FRY: variants seen among roughly 807,000 people sequenced by gnomAD.
The protein encoded by FRY is protein furry homolog.
Under a neutral mutation model 348.4 loss-of-function variants are expected in FRY, and 128 were observed. The observed-to-expected ratio is 0.37, with a 90% CI of 0.32 to 0.43. The LOEUF is 0.43. FRY is among the 20% of genes least tolerant of loss of function. The pLI, the probability that FRY is intolerant of heterozygous loss-of-function variation, is 1.00. For missense variants in FRY, 2,736 were observed against 3,695.2 expected (o/e 0.74, Z 6.73); for synonymous variants, 1,370 against 1,374.7 (o/e 1.00, Z 0.08).
intron 2 of FRY, among the ~76,000 whole-genome samples, chr13:32,098,358 T>C (rs931328116): frequency 1.3e-4 from 20 of 152,012 alleles, no homozygotes; most frequent in Non-Finnish European, 2.5e-4. Flanking sequence ...AGGCGAGCCA[T>C]GCTCTGTCCT....
intron 1 of FRY, among the ~76,000 whole-genome samples, chr13:32,056,164 C>CTGG (rs1161486925): frequency 6.9e-6 from 1 of 144,650 alleles, no homozygotes; most frequent in Non-Finnish European, 1.5e-5. Flanking sequence ...GCACTCCAGC[C>CTGG]TGGTGACAGA....
At chr13:32,294,648 C>A in intron 60 of FRY, 78 bp downstream of exon 60, 2 of 1,090,714 alleles carry the variant, frequency 1.8e-6, no homozygotes, top group South Asian at 1.3e-5. Flanking sequence ...TGGAGTCTAG[C>A]CCACTACGGA....
At chr13:32,133,360 A>G (rs1483709221) in intron 8 of FRY, among the ~76,000 whole-genome samples, 1 of 152,172 alleles carries the variant, frequency 6.6e-6, no homozygotes, top group East Asian at 1.9e-4. Flanking sequence ...TAATGACACT[A>G]ACCTTAGAGA....
chr13:32,152,949 T>A (rs191912315), intron 14 of FRY, among the ~76,000 whole-genome samples: 1 of 152,052 alleles, frequency 6.6e-6, no homozygotes, highest in Admixed American at 6.6e-5. Context: ...GGCAGAAGGA[T>A]CAGCATCTTC....
intron 1 of FRY, among the ~76,000 whole-genome samples, chr13:32,054,208 C>CTT (rs145256787): frequency 7.4e-5 from 11 of 148,892 alleles, no homozygotes; most frequent in Middle Eastern, 3.5e-3. Flanking sequence ...TGAACACACC[C>CTT]TTTTTTTTTT....
chr13:32,233,741 T>C (rs943601255), intron 41 of FRY, among the ~76,000 whole-genome samples: 1 of 152,176 alleles, frequency 6.6e-6, no homozygotes, highest in African/African-American at 2.4e-5. Context: ...TATGTGAAAA[T>C]AGCAGAGTAA....
rs201358283 is a variant in FRY, at chr13:32,267,269, G to A, written c.8046G>A (p.Glu2682=). The change falls in exon 55 of 61, where the codon GAG becomes GAA. Residue 2682 remains glutamate (E), a synonymous_variant. Transcript: ENST00000542859. ...FQPAACDDAE[E]AWRSHINQLM... is the part of the protein sequence containing the mutation. ...CCGCAGCCTGTGACGATGCCGAGGAGGCCTGGCGCAGCCACATCAACCAGC... is the reference window on the plus strand; with the variant it reads ...CCGCAGCCTGTGACGATGCCGAGGAAGCCTGGCGCAGCCACATCAACCAGC... The A allele has an allele frequency of 1.4e-4, 221 of 1,614,166 alleles. 1 individual carries two copies. The African/African-American group carries it at 2.7e-3, about 20-fold the overall frequency.
At position 32,117,390 on chromosome 13, in the gene FRY, ATTAT is replaced by A; in HGVS notation, c.384_387del (p.Phe129ThrfsTer34). The A allele has an allele frequency of 6.2e-7, 1 of 1,613,808 alleles. No homozygotes were observed. Among genetic ancestry groups the A allele is most frequent in the Non-Finnish European group, 8.5e-7 (1 of 1,179,672 alleles). ...ACTGCCTGCCTTCCATTCTACGTAC[ATTAT>A]TTGACTGGTATAAAAGGCAAAATGG... On this transcript the variant is annotated frameshift_variant, in exon 4 of 61. Transcript: ENST00000542859. LOFTEE classifies it high-confidence loss of function.
chr13:32,203,722 C>CAAA (rs3068544), intron 31 of FRY, among the ~76,000 whole-genome samples: 39 of 150,128 alleles, frequency 2.6e-4, no homozygotes, highest in South Asian at 1.1e-3. Flanking sequence ...GACTCTGTCT[C>CAAA]AAAAAAAAAA....
intron 1 of FRY, among the ~76,000 whole-genome samples, chr13:32,049,846 A>T (rs1047880368): frequency 6.6e-6 from 1 of 152,196 alleles, no homozygotes; most frequent in Non-Finnish European, 1.5e-5. Context: ...AATGTATGAT[A>T]AAAAACATGC....
At chr13:32,078,770 A>G in intron 1 of FRY, 64 bp from the exon 2 acceptor site, 1 of 1,165,450 alleles carries the variant, frequency 8.6e-7, no homozygotes, top group Non-Finnish European at 1.3e-6. Flanking sequence ...ATGGTTTAAC[A>G]CAGTCCATCT....
At position 32,266,324 on chromosome 13, in the gene FRY, C is replaced by G. The variant is rs573212672; in HGVS notation, c.7946+708C>G. 3.3e-5 allele frequency among the ~76,000 whole-genome samples: 5 copies of G among 152,314 alleles called. No individual in the cohort carries two copies. In the East Asian group the frequency reaches 9.6e-4, roughly 29 times the overall value. ...ACACCTAGAGAAGAATTTGACCTTTCATTTTTATTCATTATCTCTTCTTTC... is the reference window on the plus strand; with the variant it reads ...ACACCTAGAGAAGAATTTGACCTTTGATTTTTATTCATTATCTCTTCTTTC... On this transcript the variant is annotated intron_variant, in intron 54 of 60. Transcript: ENST00000542859.
chr13:32,243,536 G>A (rs966910686), intron 46 of FRY, among the ~76,000 whole-genome samples: 3 of 152,112 alleles, frequency 2.0e-5, no homozygotes, highest in Admixed American at 1.3e-4. Flanking sequence ...TGATATGTAA[G>A]AATACTCATT....
chr13:32,272,256 A>G (rs539837613), intron 55 of FRY, among the ~76,000 whole-genome samples: 59 of 152,336 alleles, frequency 3.9e-4, no homozygotes, highest in Admixed American at 1.0e-3. Flanking sequence ...GTGTGAATAC[A>G]ATGTTTCCGT....
chr13:32,187,539 T>A lies in FRY; in HGVS notation c.3481-7T>A. The stretch of plus-strand genomic sequence containing the variant: ...ATTTCCATGTCTTGTTGTGTTTTTA[T>A]CATCAGGCAATGTCAGCAGTACTGT... On this transcript the variant is annotated splice_polypyrimidine_tract_variant and splice_region_variant and intron_variant, in intron 27 of 60. Transcript: ENST00000542859. 2 of 1,553,580 alleles carry A rather than the reference T, an allele frequency of 1.3e-6. No homozygotes were observed. The highest frequency in any genetic ancestry group is 8.9e-7 in the Non-Finnish European group (1 of 1,124,698).
chr13:32,257,862 ATGT>A (rs1887417810), intron 51 of FRY: 1 of 964,864 alleles, frequency 1.0e-6, no homozygotes, highest in Admixed American at 1.7e-5. Context: ...CTGTTGGTTA[ATGT>A]TGTGTTAACA....
intron 1 of FRY, among the ~76,000 whole-genome samples, chr13:32,062,343 A>G (rs574243039): frequency 3.9e-5 from 6 of 152,240 alleles, no homozygotes; most frequent in African/African-American, 1.4e-4. Context: ...CCGTTAGTGT[A>G]TTTTGGCTGA....
In FRY at chr13:32,231,258, T is replaced by C; in HGVS notation, c.5485T>C (p.Phe1829Leu). ...NSKSAEQLTN[F>L]LRHVVSVFKD... ...AAAGAGTGCTGAACAGCTCACTAAT[T>C]TTCTACGTCACGTTGTATCTGTATT... is the stretch of plus-strand genomic sequence containing the variant. Residue 1829 changes from phenylalanine to leucine, a missense_variant, in exon 41 of 61, where the codon TTT (phenylalanine) becomes CTT (leucine). Phe to Leu is a conservative substitution (Grantham distance 22, BLOSUM62 0). Around this residue, in one of 9 missense-constraint regions of FRY, gnomAD observed 794 missense variants for 977.0 expected, o/e 0.81. Coordinates refer to ENST00000542859, the MANE Select transcript of FRY (RefSeq NM_023037.3). 6.2e-7 allele frequency: 1 copy of C among 1,613,546 alleles called. No individual in the cohort carries two copies.
chr13:32,031,866 G>A lies in FRY; in HGVS notation c.70+1G>A, dbSNP rs1872237053. 1 of 1,486,296 alleles carries A rather than the reference G, an allele frequency of 6.7e-7. No individual in the cohort carries two copies. The highest frequency in any genetic ancestry group is 9.4e-7 in the Non-Finnish European group (1 of 1,064,990). 92.1% of individuals were successfully genotyped at this position (1,486,296 alleles called of 1,614,324 possible). Reference sequence around the variant, plus strand: ...TATTTACTGAAATCCTGGAGTAATAGTGAGTAATAGAAAATAACCTTTTTG... The same window carrying A: ...TATTTACTGAAATCCTGGAGTAATAATGAGTAATAGAAAATAACCTTTTTG... On this transcript the variant is annotated splice_donor_variant, in intron 1 of 60. Transcript: ENST00000542859. LOFTEE classifies it high-confidence loss of function.
Sources: gnomAD v4.1 joint callset for allele counts (sites outside exome capture counted in the v4.1 genomes callset) on GRCh38, gnomAD v4.1.1 for gene constraint, gnomAD v4.1.1 regional missense constraint, MANE v1.5 for transcripts, NCBI Gene and HGNC (gene_info 2026-07-23, HGNC 2026-07-21) for gene names.